FAM110B: variants seen among roughly 807,000 people sequenced by gnomAD.
The protein encoded by FAM110B is protein FAM110B.
Under a neutral mutation model 20.4 loss-of-function variants are expected in FAM110B, and 6 were observed. The observed-to-expected ratio is 0.29, with a 90% confidence interval of 0.16 to 0.58. The LOEUF (loss-of-function observed/expected upper bound fraction) is 0.58, where lower values mean the gene tolerates loss of function less well. Ranked by LOEUF, FAM110B falls within the 20% of genes least tolerant of loss-of-function variation. FAM110B has a pLI of 0.90. For synonymous variants in FAM110B, 226 were observed against 214.1 expected, an observed-to-expected ratio of 1.06 and a Z score of -0.49; for missense variants, 434 against 498.2, an observed-to-expected ratio of 0.87 and a Z score of 1.23.
chr8:58,129,707 A>C (rs1017538875), intron 3 of FAM110B, among the ~76,000 whole-genome samples: 1 of 152,192 alleles, frequency 6.6e-6, no homozygotes, highest in Non-Finnish European at 1.5e-5. Flanking sequence ...GGAGGAACAA[A>C]AGGCTGACAG....
intron 3 of FAM110B, among the ~76,000 whole-genome samples, chr8:58,135,051 T>A (rs1803577482): frequency 6.6e-6 from 1 of 152,180 alleles, no homozygotes; most frequent in South Asian, 2.1e-4. Context: ...TTCATACATA[T>A]CTCTTTAACA....
At chr8:58,047,057 A>T (rs139653860) in intron 2 of FAM110B, among the ~76,000 whole-genome samples, 1 of 152,332 alleles carries the variant, frequency 6.6e-6, no homozygotes, top group East Asian at 1.9e-4. Context: ...AAGAGTTACG[A>T]AGAGAAAATA....
Position 58,100,058 on chromosome 8 carries a change from G to A in FAM110B, c.-325+24435G>A, listed in dbSNP as rs553536761. Among the ~76,000 whole-genome samples, 163 of 152,156 alleles carry A rather than the reference G, an allele frequency of 1.1e-3. 1 individual carries two copies. Among genetic ancestry groups the A allele is most frequent in the African/African-American group, 3.7e-3 (152 of 41,490 alleles). On this transcript the variant is annotated intron_variant, in intron 3 of 3. Transcript: ENST00000519262. The stretch of plus-strand genomic sequence containing the variant: ...GTACTGTCTGGCCAGACCTCTCCTC[G>A]TCTAATCACTCTGCCTGTCCCTTTC...
chr8:58,070,412 C>T (rs891810787), intron 2 of FAM110B: 1 of 152,172 alleles, frequency 6.6e-6, no homozygotes. Context: ...CTGTCTCTCA[C>T]GAAAAACACG....
At chr8:58,099,904 G>A (rs1806734965) in intron 3 of FAM110B, among the ~76,000 whole-genome samples, 1 of 152,090 alleles carries the variant, frequency 6.6e-6, no homozygotes. Context: ...ATTGATTTCA[G>A]TCACTCTCTT....
intron 1 of FAM110B, among the ~76,000 whole-genome samples, chr8:57,997,870 G>A (rs1033780097): frequency 6.6e-6 from 1 of 152,216 alleles, no homozygotes; most frequent in Non-Finnish European, 1.5e-5. Context: ...CTCTAAGAGA[G>A]AGTAGGTGCT....
chr8:58,050,470 C>T (rs1805417069), intron 2 of FAM110B, among the ~76,000 whole-genome samples: 1 of 152,160 alleles, frequency 6.6e-6, no homozygotes, highest in African/African-American at 2.4e-5. Context: ...CAAGTAAGGC[C>T]ATGGGGAGGA....
In FAM110B at chr8:58,146,521, G is replaced by A. The variant is rs778876440; in HGVS notation, c.291G>A (p.Thr97=). The part of the protein sequence containing the change: ...PAAKRALGSP[T]LKVFGNHAKT... ...CCAAGCGCGCACTGGGCAGCCCCACGCTCAAAGTGTTCGGCAACCACGCCA... is the reference window on the plus strand; with the variant it reads ...CCAAGCGCGCACTGGGCAGCCCCACACTCAAAGTGTTCGGCAACCACGCCA... The change falls in exon 4 of 4, where the codon ACG becomes ACA. Residue 97 remains threonine, a synonymous_variant. Coordinates refer to ENST00000519262, the MANE Select transcript of FAM110B (RefSeq NM_001377989.1). 8 of 1,613,892 alleles carry A rather than the reference G, an allele frequency of 5.0e-6. No individual in the cohort carries two copies. The highest frequency in any genetic ancestry group is 6.8e-6 in the Non-Finnish European group (8 of 1,179,916).
chr8:58,058,461 G>T (rs1805591935), intron 2 of FAM110B, among the ~76,000 whole-genome samples: 1 of 151,730 alleles, frequency 6.6e-6, no homozygotes, highest in African/African-American at 2.4e-5. Flanking sequence ...AGCTGAAGAG[G>T]CAAAAATACT....
chr8:58,015,978 CTG>C (rs1804630144), intron 1 of FAM110B, among the ~76,000 whole-genome samples: 1 of 152,046 alleles, frequency 6.6e-6, no homozygotes, highest in Non-Finnish European at 1.5e-5. Flanking sequence ...CTATTCCTAA[CTG>C]TATCATTCAA....
chr8:58,028,229 A>AAGT (rs1449770668), intron 1 of FAM110B, among the ~76,000 whole-genome samples: 1 of 152,004 alleles, frequency 6.6e-6, no homozygotes, highest in East Asian at 1.9e-4. Flanking sequence ...TCAGCCTCCC[A>AAGT]AGTAGCTGGG....
At chr8:58,117,588 T>A (rs1407689351) in intron 3 of FAM110B, among the ~76,000 whole-genome samples, 1 of 152,154 alleles carries the variant, frequency 6.6e-6, no homozygotes, top group Admixed American at 6.5e-5. Flanking sequence ...GGGTAAAGTA[T>A]TGAATGCCTT....
intron 3 of FAM110B, among the ~76,000 whole-genome samples, chr8:58,090,392 C>A (rs1471506829): frequency 6.6e-6 from 1 of 152,194 alleles, no homozygotes; most frequent in Non-Finnish European, 1.5e-5. Flanking sequence ...AACTCCTAAG[C>A]TCAGGCAGTT....
chr8:58,147,504 C>A lies in FAM110B; in HGVS notation c.*161C>A. 1.2e-6 allele frequency: 1 copy of A among 862,356 alleles called. No homozygotes were observed. Among genetic ancestry groups the A allele is most frequent in the Admixed American group, 3.0e-5 (1 of 33,734 alleles). The allele number at this position is 862,356 out of a possible 1,614,324, so 53.4% of individuals were successfully genotyped here. ...GTCAACATGGGGACTGACCTGGCTTCCACGTCACCATCGCTACAGAGCCTG... is the reference window on the plus strand; with the variant it reads ...GTCAACATGGGGACTGACCTGGCTTACACGTCACCATCGCTACAGAGCCTG... On this transcript the variant is annotated 3_prime_UTR_variant, in exon 4 of 4. Transcript: ENST00000519262.
intron 1 of FAM110B, among the ~76,000 whole-genome samples, chr8:58,006,919 A>ATTTTTTTTTTTT (rs137960762): frequency 1.9e-5 from 2 of 102,808 alleles, no homozygotes; most frequent in Non-Finnish European, 3.8e-5. Context: ...ATATATATAT[A>ATTTTTTTTTTTT]TATATTTTTC....
chr8:58,055,992 T>A (rs1486152099), intron 2 of FAM110B, among the ~76,000 whole-genome samples: 1 of 152,212 alleles, frequency 6.6e-6, no homozygotes, highest in Non-Finnish European at 1.5e-5. Flanking sequence ...GATGTTTTAG[T>A]CTAGCCTAGA....
At position 58,028,322 on chromosome 8, in the gene FAM110B, C is replaced by A. The variant is rs117643459; in HGVS notation, c.-511-3284C>A. Among the ~76,000 whole-genome samples, 766 of 152,260 alleles carry A rather than the reference C, an allele frequency of 5.0e-3. 2 individuals are homozygous for A. Among genetic ancestry groups the A allele is most frequent in the Middle Eastern group, 0.01 (3 of 294 alleles). The stretch of plus-strand genomic sequence containing the variant: ...GTTTCACCGTGTCAGCCAGGCTGGT[C>A]TTGAACTGCTAACCTCAGGTGATCC... On this transcript the variant is annotated intron_variant, in intron 1 of 3. Transcript: ENST00000519262.
At chr8:58,144,829 A>C (rs1370296435) in intron 3 of FAM110B, among the ~76,000 whole-genome samples, 1 of 152,180 alleles carries the variant, frequency 6.6e-6, no homozygotes, top group Non-Finnish European at 1.5e-5. Flanking sequence ...CAGGGGCTGC[A>C]GGGTAAGAGT....
chr8:58,142,811 A>C (rs1803771381), intron 3 of FAM110B, among the ~76,000 whole-genome samples: 1 of 152,214 alleles, frequency 6.6e-6, no homozygotes, highest in Admixed American at 6.5e-5. Context: ...AGGCAAGGCT[A>C]TATAATTATT....
Sources: gnomAD v4.1 joint callset for allele counts (sites outside exome capture counted in the v4.1 genomes callset) on GRCh38, gnomAD v4.1.1 for gene constraint, MANE v1.5 for transcripts, NCBI Gene and HGNC (gene_info 2026-07-23, HGNC 2026-07-21) for gene names.